Variants in TTC16 observed in about 807,000 individuals in gnomAD.
The protein encoded by TTC16 is tetratricopeptide repeat protein 16.
TTC16 carries 66 observed loss-of-function variants against 80.4 expected under a neutral mutation model. The observed-to-expected ratio is 0.82, with a 90% CI of 0.67 to 1.01. The LOEUF (loss-of-function observed/expected upper bound fraction) is 1.01. Ranked by LOEUF, TTC16 falls within the 50% of genes least tolerant of loss-of-function variation. The pLI is 0.00. For missense variants in TTC16, 1,070 were observed against 1,103.2 expected, an observed-to-expected ratio of 0.97 and a Z score of 0.43; for synonymous variants, 438 against 451.3, an observed-to-expected ratio of 0.97 and a Z score of 0.37.
chr9:127,716,703 G>A (rs1248074295), intron 1 of TTC16, 141 bp from the exon 2 acceptor site: 10 of 1,098,172 alleles, frequency 9.1e-6, no homozygotes, highest in East Asian at 2.6e-5. Flanking sequence ...GGCTGGGAGC[G>A]CCACCGGAAC....
chr9:127,724,248 A>G lies in TTC16; in HGVS notation c.1001A>G (p.Tyr334Cys). Residue 334 changes from tyrosine (Y) to cysteine (C), a missense_variant, in exon 8 of 14, where the codon TAC becomes TGC. Coordinates refer to ENST00000373289, the MANE Select transcript of TTC16 (RefSeq NM_144965.3). ...GCACAGCGCCAGCTGTTGCTGACCT[A>G]CAACGACTTTGCCGTGCACTGCTAC... is the stretch of plus-strand genomic sequence containing the variant. Reference protein sequence around the residue: ...RQAQRQLLLTYNDFAVHCYRQ... With the variant: ...RQAQRQLLLTCNDFAVHCYRQ... 6.2e-7 allele frequency: 1 copy of G among 1,613,022 alleles called. No individual in the cohort carries two copies. The highest frequency in any genetic ancestry group is 8.5e-7 in the Non-Finnish European group (1 of 1,180,026).
Position 127,720,110 on chromosome 9 carries a change from G to T in TTC16, c.459G>T (p.Leu153=), listed in dbSNP as rs975715025. ...GCCTTTTTGAGCAGTGTGCCTTCCTGGATGCCCTGAATGTCTTCTCACATG... is the reference window on the plus strand; with the variant it reads ...GCCTTTTTGAGCAGTGTGCCTTCCTTGATGCCCTGAATGTCTTCTCACATG... ...GQCLFEQCAF[L]DALNVFSHAA... Residue 153 remains leucine, a synonymous_variant, in exon 5 of 14, where the codon CTG becomes CTT. Transcript: ENST00000373289. 1.8e-5 allele frequency: 29 copies of T among 1,613,748 alleles called. No individual in the cohort carries two copies. Among genetic ancestry groups the T allele is most frequent in the Non-Finnish European group, 2.3e-5 (27 of 1,179,996 alleles).
At chr9:127,725,002 C>CG in intron 9 of TTC16, 105 bp downstream of exon 9, 2 of 1,342,130 alleles carry the variant, frequency 1.5e-6, no homozygotes, top group Non-Finnish European at 2.0e-6. Flanking sequence ...CTTCTCTCCT[C>CG]GGGGGCGATG....
chr9:127,719,948 C>A, intron 4 of TTC16, 130 bp from the exon 5 acceptor site: 1 of 736,112 alleles, frequency 1.4e-6, no homozygotes, highest in South Asian at 1.6e-5. Flanking sequence ...CTTCAAGTCT[C>A]TGCCAGATCT....
rs1197624891 is a variant in TTC16, at chr9:127,720,188, C to A, written c.527+10C>A. ...GCTTCCGTTACCGATGGTGAGTGCCCCTGCCAGCCCCTTCTCCCAGCACCC... is the reference window on the plus strand; with the variant it reads ...GCTTCCGTTACCGATGGTGAGTGCCACTGCCAGCCCCTTCTCCCAGCACCC... On this transcript the variant is annotated intron_variant, in intron 5 of 13. Coordinates refer to ENST00000373289, the MANE Select transcript of TTC16 (RefSeq NM_144965.3). 2 of 1,613,548 alleles carry A rather than the reference C, an allele frequency of 1.2e-6. No homozygotes were observed. Among genetic ancestry groups the A allele is most frequent in the South Asian group, 2.2e-5 (2 of 91,090 alleles).
chr9:127,716,087 C>G lies in TTC16; in HGVS notation c.-59C>G. On this transcript the variant is annotated 5_prime_UTR_variant, in exon 1 of 14. Coordinates refer to ENST00000373289, the MANE Select transcript of TTC16 (RefSeq NM_144965.3). ...TCCTGGTGATGGTGCCTAGCAACGT[C>G]AGGGCCAGGGCCGCGAGGTAGTTGG... 1 of 1,613,106 alleles carries G rather than the reference C, an allele frequency of 6.2e-7. No homozygotes were observed. The highest frequency in any genetic ancestry group is 8.5e-7 in the Non-Finnish European group (1 of 1,179,500).
chr9:127,720,428 C>T, intron 6 of TTC16, 33 bp downstream of exon 6: 1 of 1,609,154 alleles, frequency 6.2e-7, no homozygotes, highest in Admixed American at 1.7e-5. Context: ...GGGCATGCCC[C>T]CCAACCTGGG....
chr9:127,719,864 G>T (rs1335020971), intron 4 of TTC16, among the ~76,000 whole-genome samples: 1 of 151,918 alleles, frequency 6.6e-6, no homozygotes, highest in African/African-American at 2.4e-5. Context: ...CTTGCCAAGC[G>T]TGCATCTCTT....
chr9:127,727,415 G>A lies in TTC16; in HGVS notation c.1714G>A (p.Glu572Lys). 1 of 1,609,606 alleles carries A rather than the reference G, an allele frequency of 6.2e-7. No individual in the cohort carries two copies. Among genetic ancestry groups the A allele is most frequent in the Non-Finnish European group, 8.5e-7 (1 of 1,178,546 alleles). The change falls in exon 12 of 14, where the codon GAG becomes AAG. Residue 572 changes from glutamate (E) to lysine (K), a missense_variant. Transcript: ENST00000373289. ...PQVKPGSSEG[E>K]AEAPEEEEEK... ...GGTAAAACCGGGAAGCTCAGAGGGA[G>A]AGGCTGAGGCCCCTGAGGAGGAGGA...
At chr9:127,724,074 C>A in intron 7 of TTC16, 46 bp from the exon 8 acceptor site, 1 of 1,505,204 alleles carries the variant, frequency 6.6e-7, no homozygotes, top group Non-Finnish European at 8.9e-7. Flanking sequence ...TGGGGGTGCA[C>A]TGGCGCTCAT....
intron 13 of TTC16, 143 bp downstream of exon 13, chr9:127,729,811 C>T (rs777328753): frequency 3.0e-5 from 21 of 695,620 alleles, no homozygotes; most frequent in South Asian, 2.4e-4. Context: ...GGCTCTAGAG[C>T]GGGAGTAACA....
At chr9:127,717,561 G>T (rs1843142092) in intron 3 of TTC16, 68 bp from the exon 4 acceptor site, 2 of 1,590,128 alleles carry the variant, frequency 1.3e-6, no homozygotes, top group Admixed American at 1.7e-5. Flanking sequence ...GGGGGGTGGA[G>T]ACTTTCCCCT....
chr9:127,726,346 T>G lies in TTC16; in HGVS notation c.1367T>G (p.Ile456Ser). 1 of 1,611,686 alleles carries G rather than the reference T, an allele frequency of 6.2e-7. No homozygotes were observed. The highest frequency in any genetic ancestry group is 8.5e-7 in the Non-Finnish European group (1 of 1,179,048). ...RAKSRQLLQNIFGARQDVATV... is the reference protein window; with the variant it reads ...RAKSRQLLQNSFGARQDVATV... The stretch of plus-strand genomic sequence containing the variant: ...AAGAGCCGGCAGCTGCTGCAGAACA[T>G]TTTTGGGGCCCGCCAGGATGTGGCC... The change falls in exon 10 of 14, where the codon ATT becomes AGT. Residue 456 changes from isoleucine (I) to serine (S), a missense_variant. By Grantham distance (142) the Ile-to-Ser change is moderately radical (BLOSUM62 -2). Transcript: ENST00000373289.
intron 1 of TTC16, 144 bp from the exon 2 acceptor site, chr9:127,716,700 A>G: frequency 9.6e-7 from 1 of 1,046,924 alleles, no homozygotes; most frequent in South Asian, 1.7e-5. Flanking sequence ...TGGGGCTGGG[A>G]GCGCCACCGG....
At chr9:127,726,137 C>T (rs1347157330) in intron 9 of TTC16, 102 bp from the exon 10 acceptor site, 3 of 1,080,886 alleles carry the variant, frequency 2.8e-6, no homozygotes, top group Non-Finnish European at 3.9e-6. Context: ...GGGAGCAGAC[C>T]TAGCCTGGTT....
intron 1 of TTC16, chr9:127,716,595 T>C: frequency 1.7e-6 from 1 of 572,352 alleles, no homozygotes; most frequent in Non-Finnish European, 3.1e-6. Flanking sequence ...ACAGACGGTG[T>C]TGTAAGCATG....
At chr9:127,729,541 C>T in intron 12 of TTC16, 40 bp from the exon 13 acceptor site, 3 of 1,569,326 alleles carry the variant, frequency 1.9e-6, no homozygotes, top group Non-Finnish European at 2.6e-6. Flanking sequence ...CTGCACGGGC[C>T]TCCTACCATC....
At chr9:127,720,531 T>A in intron 6 of TTC16, 136 bp downstream of exon 6, 1 of 1,171,466 alleles carries the variant, frequency 8.5e-7, no homozygotes, top group Non-Finnish European at 1.2e-6. Context: ...CTGTCCTCCC[T>A]GGGAAGAGGC....
chr9:127,726,867 C>G, intron 10 of TTC16, 103 bp from the exon 11 acceptor site: 1 of 1,370,272 alleles, frequency 7.3e-7, no homozygotes, highest in Non-Finnish European at 1.0e-6. Flanking sequence ...CTTCTTCAGC[C>G]CTGGGAAGGG....
Sources: allele counts gnomAD v4.1 joint callset (sites outside exome capture counted in the v4.1 genomes callset), GRCh38; gene constraint gnomAD v4.1.1; transcripts MANE v1.5; gene names NCBI Gene and HGNC (gene_info 2026-07-23, HGNC 2026-07-21).